Variants in SLC13A2 observed in about 807,000 individuals in gnomAD.
The protein encoded by SLC13A2 is solute carrier family 13 member 2.
In SLC13A2, 40 loss-of-function variants were observed where a neutral mutation model predicts 58.5. The observed-to-expected ratio is 0.68, with a 90% CI of 0.53 to 0.89. The LOEUF is 0.89. Among genes scored for constraint, SLC13A2 ranks in the 40% least tolerant of loss-of-function variants. SLC13A2 has a pLI of 0.00. For missense variants in SLC13A2, 694 were observed against 772.6 expected (o/e 0.90, Z 1.21); for synonymous variants, 341 against 331.6 (o/e 1.03, Z -0.31).
chr17:28,490,467 A>G lies in SLC13A2; in HGVS notation c.245A>G (p.Tyr82Cys), dbSNP rs1171041812. 1.3e-5 allele frequency: 21 copies of G among 1,613,846 alleles called. No individual in the cohort carries two copies. The highest frequency in any genetic ancestry group is 1.7e-5 in the Non-Finnish European group (20 of 1,179,988). ...TCCACCTGCCAGGTTGCCGTCGAGTATCTTAAGGACTCCAACCTCCTGTTC... is the reference window on the plus strand; with the variant it reads ...TCCACCTGCCAGGTTGCCGTCGAGTGTCTTAAGGACTCCAACCTCCTGTTC... ...IVDASEVAVE[Y>C]LKDSNLLFFG... is the part of the protein sequence containing the mutation. Residue 82 changes from tyrosine to cysteine, a missense_variant, in exon 3 of 12, where the codon TAT becomes TGT. Transcript: ENST00000314669.
Position 28,491,900 on chromosome 17 carries a change from C to G in SLC13A2, c.878+48C>G, listed in dbSNP as rs535280584. The G allele has an allele frequency of 3.1e-6, 5 of 1,590,224 alleles. No individual in the cohort carries two copies. The Admixed American group carries it at 8.9e-5, about 28-fold the overall frequency. Reference sequence around the variant, plus strand: ...GAAGCCCAGGTCCCTGCCCTTAGCCCTGGGAGCTTCCAGTTGGGTGCAGAT... The same window carrying G: ...GAAGCCCAGGTCCCTGCCCTTAGCCGTGGGAGCTTCCAGTTGGGTGCAGAT... On this transcript the variant is annotated intron_variant, in intron 6 of 11. Coordinates refer to ENST00000314669, the MANE Select transcript of SLC13A2 (RefSeq NM_003984.4).
chr17:28,489,358 A>G lies in SLC13A2; in HGVS notation c.231+16A>G, dbSNP rs782687777. ...TGCCTCTGAGGTGAGCCCCATCCAT[A>G]GGAGAAAGCGTTCTGGGCAGTGCGG... On this transcript the variant is annotated intron_variant, in intron 2 of 11. Coordinates refer to ENST00000314669, the MANE Select transcript of SLC13A2 (RefSeq NM_003984.4). 6.2e-7 allele frequency: 1 copy of G among 1,610,522 alleles called. No individual in the cohort carries two copies. Among genetic ancestry groups the G allele is most frequent in the Non-Finnish European group, 8.5e-7 (1 of 1,178,250 alleles).
intron 2 of SLC13A2, chr17:28,490,213 G>A (rs782571619): frequency 8.3e-7 from 1 of 1,210,198 alleles, no homozygotes. Context: ...GGTGGAGGTT[G>A]CAGTGAGCTG....
intron 4 of SLC13A2, 78 bp from the exon 5 acceptor site, chr17:28,491,359 G>C: frequency 6.7e-7 from 1 of 1,491,662 alleles, no homozygotes. Context: ...AGGTACCCTG[G>C]AGGGCCTTGC....
Position 28,496,481 on chromosome 17 carries a change from T to A in SLC13A2, c.1502T>A (p.Val501Asp), listed in dbSNP as rs782137309. 2 of 1,611,108 alleles carry A rather than the reference T, an allele frequency of 1.2e-6. No individual in the cohort carries two copies. The highest frequency in any genetic ancestry group is 1.7e-6 in the Non-Finnish European group (2 of 1,178,096). The part of the protein sequence containing the change: ...AQAICLHPLY[V>D]MLPCTLATSL... The stretch of plus-strand genomic sequence containing the variant: ...GCCATCTGCCTCCACCCTCTCTACG[T>A]CATGCTCCCCTGCACTCTGGCCACC... The change falls in exon 11 of 12, where the codon GTC (valine) becomes GAC (aspartate). Residue 501 changes from valine to aspartate, a missense_variant. Val to Asp is a radical substitution (Grantham distance 152, BLOSUM62 -3). Coordinates refer to ENST00000314669, the MANE Select transcript of SLC13A2 (RefSeq NM_003984.4). The surrounding 1 kb of genome is among the most constrained non-coding windows in gnomAD (Gnocchi z 4.2).
chr17:28,475,825 C>T (rs998508657), intron 1 of SLC13A2, among the ~76,000 whole-genome samples: 1 of 152,160 alleles, frequency 6.6e-6, no homozygotes, highest in East Asian at 1.9e-4. Flanking sequence ...GTTCCTTCTC[C>T]ATCTGACTCT....
In SLC13A2 at chr17:28,491,789, C is replaced by A. The variant is rs1555603562; in HGVS notation, c.815C>A (p.Pro272His). Residue 272 changes from proline (P) to histidine (H), a missense_variant, in exon 6 of 12, where the codon CCC becomes CAC. Coordinates refer to ENST00000314669, the MANE Select transcript of SLC13A2 (RefSeq NM_003984.4). Reference sequence around the variant, plus strand: ...GCCTCCTGGTTCAGCTTCGCCTTCCCCACCATGGTCATCTTGCTGCTGCTG... The same window carrying A: ...GCCTCCTGGTTCAGCTTCGCCTTCCACACCATGGTCATCTTGCTGCTGCTG... ...NFASWFSFAF[P>H]TMVILLLLAW... 6.2e-7 allele frequency: 1 copy of A among 1,614,186 alleles called. No homozygotes were observed. Among genetic ancestry groups the A allele is most frequent in the Non-Finnish European group, 8.5e-7 (1 of 1,180,018 alleles).
rs782278231 is a variant in SLC13A2 at position 28,493,586 on chromosome 17, T to C, written c.894T>C (p.Phe298=). Residue 298 remains phenylalanine (F), a synonymous_variant, in exon 7 of 12, where the codon TTT becomes TTC. Coordinates refer to ENST00000314669, the MANE Select transcript of SLC13A2 (RefSeq NM_003984.4). ...LFLGFNFRKN[F]GIGEKMQEQQ... ...CTGCCTGCAGCTTCCGGAAGAACTTTGGCATTGGGGAAAAGATGCAGGAGC... is the reference window on the plus strand; with the variant it reads ...CTGCCTGCAGCTTCCGGAAGAACTTCGGCATTGGGGAAAAGATGCAGGAGC... 23 of 1,605,190 alleles carry C rather than the reference T, an allele frequency of 1.4e-5. No individual in the cohort carries two copies. The highest frequency in any genetic ancestry group is 2.0e-5 in the Non-Finnish European group (23 of 1,173,178).
At chr17:28,486,101 G>A (rs2068875911) in intron 1 of SLC13A2, among the ~76,000 whole-genome samples, 1 of 152,074 alleles carries the variant, frequency 6.6e-6, no homozygotes, top group Non-Finnish European at 1.5e-5. Context: ...TCAAAATATG[G>A]AAAAATAAAT....
At position 28,497,329 on chromosome 17, in the gene SLC13A2, C is replaced by T. The variant is rs782579369; in HGVS notation, c.*60C>T. On this transcript the variant is annotated 3_prime_UTR_variant, in exon 12 of 12. Coordinates refer to ENST00000314669, the MANE Select transcript of SLC13A2 (RefSeq NM_003984.4). ...CACCCCATTCCCACTCCTCTGAGCC[C>T]GGAGGGGACACCCCAAGCTCCAAGC... 5 of 1,547,598 alleles carry T rather than the reference C, an allele frequency of 3.2e-6. No individual in the cohort carries two copies. The highest frequency in any genetic ancestry group is 4.4e-6 in the Non-Finnish European group (5 of 1,143,462).
At position 28,473,766 on chromosome 17, in the gene SLC13A2, C is replaced by G. The variant is rs2068624419; in HGVS notation, c.54C>G (p.Phe18Leu). Residue 18 changes from phenylalanine to leucine, a missense_variant, in exon 1 of 12, where the codon TTC (phenylalanine) becomes TTG (leucine). Coordinates refer to ENST00000314669, the MANE Select transcript of SLC13A2 (RefSeq NM_003984.4). ...CCTATCGCTCCTACCTGATCGTGTTCTTCGTGCCCATTCTCCTGCTGCCTC... is the reference window on the plus strand; with the variant it reads ...CCTATCGCTCCTACCTGATCGTGTTGTTCGTGCCCATTCTCCTGCTGCCTC... The part of the protein sequence containing the change: ...LWAYRSYLIV[F>L]FVPILLLPLP... 1.2e-6 allele frequency: 2 copies of G among 1,614,214 alleles called. No individual in the cohort carries two copies. The highest frequency in any genetic ancestry group is 1.7e-6 in the Non-Finnish European group (2 of 1,180,036).
At chr17:28,475,970 C>T (rs1555599834) in intron 1 of SLC13A2, among the ~76,000 whole-genome samples, 1 of 152,156 alleles carries the variant, frequency 6.6e-6, no homozygotes, top group East Asian at 1.9e-4. Context: ...CAATGAACAC[C>T]AGCCATCTCC....
At chr17:28,482,769 G>A (rs544676590) in intron 1 of SLC13A2, among the ~76,000 whole-genome samples, 28 of 151,898 alleles carry the variant, frequency 1.8e-4, no homozygotes, top group South Asian at 2.1e-4. Flanking sequence ...AACCCCCTTT[G>A]CCCACTAACT....
At chr17:28,490,990 A>G in intron 4 of SLC13A2, 84 bp downstream of exon 4, 2 of 1,282,562 alleles carry the variant, frequency 1.6e-6, no homozygotes, top group South Asian at 3.0e-5. Context: ...AGGGCTGGTC[A>G]TCTTGGAGCC....
rs1414893441 is a variant in SLC13A2 at position 28,496,331 on chromosome 17, C to T, written c.1471-119C>T. The T allele has an allele frequency of 7.5e-7, 1 of 1,330,418 alleles. No individual in the cohort carries two copies. Among genetic ancestry groups the T allele is most frequent in the Non-Finnish European group, 1.0e-6 (1 of 995,706 alleles). The allele number at this position is 1,330,418 out of a possible 1,614,324, so 82.4% of individuals were successfully genotyped here. A position where few individuals can be genotyped will look rare whatever the true frequency, so the allele number is the denominator to read the frequency against. On this transcript the variant is annotated intron_variant, in intron 10 of 11. Transcript: ENST00000314669. This position sits in a 1 kb window ranked among gnomAD's most constrained non-coding sequence, Gnocchi z 4.2. The stretch of plus-strand genomic sequence containing the variant: ...TCTGGGAGAAGAGGTGGGCTCATGA[C>T]CAGAGAGTGTATTAGGGTACAGGGG...
chr17:28,489,239 T>C lies in SLC13A2; in HGVS notation c.128T>C (p.Ile43Thr). ...GAGGCCTACTGCGCGTATGCCATCA[T>C]CCTCATGGCGCTCTTCTGGTGCACT... ...SKEAYCAYAI[I>T]LMALFWCTEA... Residue 43 changes from isoleucine (I) to threonine (T), a missense_variant, in exon 2 of 12, where the codon ATC becomes ACC. Physicochemically the swap from Ile to Thr is moderately conservative, Grantham distance 89. Coordinates refer to ENST00000314669, the MANE Select transcript of SLC13A2 (RefSeq NM_003984.4). 6.2e-7 allele frequency: 1 copy of C among 1,613,996 alleles called. No individual in the cohort carries two copies. The highest frequency in any genetic ancestry group is 8.5e-7 in the Non-Finnish European group (1 of 1,179,982).
rs201097963 is a variant in SLC13A2, at chr17:28,490,495, C to T, written c.273C>T (p.Phe91=). Residue 91 remains phenylalanine (F), a synonymous_variant, in exon 3 of 12, where the codon TTC becomes TTT. Coordinates refer to ENST00000314669, the MANE Select transcript of SLC13A2 (RefSeq NM_003984.4). ...EYLKDSNLLF[F]GGLLVAIAVE... is the part of the protein sequence containing the mutation. ...TTAAGGACTCCAACCTCCTGTTCTT[C>T]GGGGGGCTGCTGGTGGCCATCGCGG... The T allele has an allele frequency of 2.0e-5, 32 of 1,614,110 alleles. No homozygotes were observed. The highest frequency in any genetic ancestry group is 4.5e-5 in the East Asian group (2 of 44,874).
At chr17:28,488,621 C>T (rs1409647712) in intron 1 of SLC13A2, among the ~76,000 whole-genome samples, 1 of 152,204 alleles carries the variant, frequency 6.6e-6, no homozygotes, top group Non-Finnish European at 1.5e-5. Flanking sequence ...CCCTGCACAA[C>T]ACAAGCATCT....
Position 28,489,360 on chromosome 17 carries a change from G to A in SLC13A2, c.231+18G>A. The A allele has an allele frequency of 2.5e-6, 4 of 1,610,830 alleles. No homozygotes were observed. In the South Asian group the frequency reaches 3.3e-5, roughly 13 times the overall value. On this transcript the variant is annotated intron_variant, in intron 2 of 11. Transcript: ENST00000314669. ...CCTCTGAGGTGAGCCCCATCCATAG[G>A]AGAAAGCGTTCTGGGCAGTGCGGGA...
Sources: gnomAD v4.1 joint callset for allele counts (sites outside exome capture counted in the v4.1 genomes callset) on GRCh38, gnomAD v4.1.1 for gene constraint, Gnocchi (gnomAD v3.1) non-coding constraint, MANE v1.5 for transcripts, NCBI Gene and HGNC (gene_info 2026-07-23, HGNC 2026-07-21) for gene names.